The following SYNE2 variants were observed in gnomAD, a reference collection of about 807,000 sequenced individuals.
SYNE2 encodes nesprin-2.
Under a neutral mutation model 856.3 loss-of-function variants are expected in SYNE2, and 431 were observed. That is an observed-to-expected ratio of 0.50 (90% confidence interval 0.47 to 0.55). The LOEUF (loss-of-function observed/expected upper bound fraction) is 0.55, where lower values mean the gene tolerates loss of function less well. SYNE2 is among the 20% of genes least tolerant of loss of function. SYNE2 has a pLI of 0.00. For synonymous variants in SYNE2, 2,923 were observed against 2,872.3 expected (o/e 1.02, Z -0.56); for missense variants, 8,129 against 8,023.2 (o/e 1.01, Z -0.50).
At position 64,225,007 on chromosome 14, in the gene SYNE2, A is replaced by T; in HGVS notation, c.20478A>T (p.Ala6826=). 2 of 1,613,904 alleles carry T rather than the reference A, an allele frequency of 1.2e-6. No individual in the cohort carries two copies. The highest frequency in any genetic ancestry group is 1.7e-6 in the Non-Finnish European group (2 of 1,179,958). Residue 6826 remains alanine (A), a synonymous_variant, in exon 115 of 116, where the codon GCA becomes GCT. Transcript: ENST00000555002. ...SVPAPRAKFR[A]VRTTEGEEET... is the part of the protein sequence containing the mutation. The stretch of plus-strand genomic sequence containing the variant: ...GTTTCTTTACCCAGCAGTTCAGAGC[A>T]GTGAGAACTACAGAAGGCGAGGAGG...
intron 1 of SYNE2, among the ~76,000 whole-genome samples, chr14:63,773,900 C>T (rs181468401): frequency 5.9e-5 from 9 of 152,262 alleles, no homozygotes; most frequent in African/African-American, 1.7e-4. Context: ...GTTTGAAATA[C>T]GATTATATAT....
At chr14:64,213,121 G>A (rs1161035037) in intron 105 of SYNE2, 116 bp downstream of exon 105, 15 of 1,168,988 alleles carry the variant, frequency 1.3e-5, no homozygotes, top group Non-Finnish European at 1.7e-5. Flanking sequence ...TTATTTTTTG[G>A]TTGAAAAGAA....
At chr14:63,950,138 A>T in intron 7 of SYNE2, 132 bp downstream of exon 7, 1 of 1,070,988 alleles carries the variant, frequency 9.3e-7, no homozygotes, top group Non-Finnish European at 1.4e-6. Flanking sequence ...TGCTTCTTCC[A>T]TACGTGGAAG....
intron 2 of SYNE2, among the ~76,000 whole-genome samples, chr14:63,914,336 C>T (rs887476131): frequency 6.6e-6 from 1 of 152,140 alleles, no homozygotes; most frequent in Non-Finnish European, 1.5e-5. Flanking sequence ...GTAGGAATCC[C>T]TTCCGAAGTA....
chr14:64,152,438 G>A, intron 84 of SYNE2, 126 bp from the exon 85 acceptor site: 1 of 890,336 alleles, frequency 1.1e-6, no homozygotes, highest in East Asian at 2.7e-5. Context: ...TTTCTTTGAT[G>A]TAATGCTATT....
intron 1 of SYNE2, among the ~76,000 whole-genome samples, chr14:63,841,835 T>TTC (rs1890075569): frequency 7.0e-6 from 1 of 142,260 alleles, no homozygotes; most frequent in African/African-American, 2.5e-5. Flanking sequence ...TTTCTTTCTT[T>TTC]TTTTTTTTTT....
intron 19 of SYNE2, among the ~76,000 whole-genome samples, chr14:63,988,810 G>A (rs964417397): frequency 2.0e-5 from 3 of 152,156 alleles, no homozygotes; most frequent in African/African-American, 7.2e-5. Flanking sequence ...ATAATCATCA[G>A]ATCTCGTGAA....
intron 13 of SYNE2, among the ~76,000 whole-genome samples, 182 bp downstream of exon 13, chr14:63,978,199 C>A (rs866994542): frequency 6.6e-6 from 1 of 152,144 alleles, no homozygotes; most frequent in Non-Finnish European, 1.5e-5. Flanking sequence ...TGCCAACATA[C>A]CTCCTTTTTT....
intron 1 of SYNE2, among the ~76,000 whole-genome samples, chr14:63,842,474 T>TTA (rs1890101136): frequency 6.6e-6 from 1 of 151,364 alleles, no homozygotes; most frequent in Non-Finnish European, 1.5e-5. Context: ...TTTTTTTTTT[T>TTA]ATTGATACAG....
Position 64,088,831 on chromosome 14 carries a change from A to G in SYNE2, c.11671-743A>G, listed in dbSNP as rs561059471. ...TACATTCCCTACACCACACTCATGT[A>G]TCTTCAGGGAATAGTAAGTGTTAAA... On this transcript the variant is annotated intron_variant, in intron 58 of 115. Coordinates refer to ENST00000555002, the MANE Select transcript of SYNE2 (RefSeq NM_182914.3). Among the ~76,000 whole-genome samples the G allele has an allele frequency of 2.0e-5, 3 of 152,366 alleles. No individual in the cohort carries two copies. In the South Asian group the frequency reaches 6.2e-4, roughly 32 times the overall value.
rs2098511723 is a variant in SYNE2 at position 64,190,218 on chromosome 14, T to C, written c.18019T>C (p.Phe6007Leu). 1.2e-5 allele frequency: 20 copies of C among 1,614,120 alleles called. No homozygotes were observed. The highest frequency in any genetic ancestry group is 1.7e-5 in the Non-Finnish European group (20 of 1,180,026). Reference sequence around the variant, plus strand: ...AATTAACGATCGTTGGCAACATCTTTTTGATGTCATCGGATCAAGGTAAGA... The same window carrying C: ...AATTAACGATCGTTGGCAACATCTTCTTGATGTCATCGGATCAAGGTAAGA... ...NKINDRWQHL[F>L]DVIGSRVKKL... is the part of the protein sequence containing the mutation. Residue 6007 changes from phenylalanine to leucine, a missense_variant, in exon 99 of 116, where the codon TTT becomes CTT. By Grantham distance (22) the Phe-to-Leu change is conservative. Coordinates refer to ENST00000555002, the MANE Select transcript of SYNE2 (RefSeq NM_182914.3).
intron 49 of SYNE2, among the ~76,000 whole-genome samples, chr14:64,056,769 C>G (rs1458643249): frequency 6.6e-6 from 1 of 151,928 alleles, no homozygotes; most frequent in Non-Finnish European, 1.5e-5. Context: ...CTCCCGAGTT[C>G]AAGTAATTCT....
chr14:64,189,872 A>T (rs1210362742), intron 98 of SYNE2, among the ~76,000 whole-genome samples, 199 bp from the exon 99 acceptor site: 1 of 152,002 alleles, frequency 6.6e-6, no homozygotes, highest in Non-Finnish European at 1.5e-5. Context: ...TGTGTTGCAC[A>T]GGCTAGTCTT....
rs150778843 is a variant in SYNE2, at chr14:64,205,640, G to A, written c.18201+2677G>A. ...GTTGGGGAGGGGTCAGACCCTATAG[G>A]AGTCCTTTCTGTTTCACCTTTCTTA... is the stretch of plus-strand genomic sequence containing the variant. On this transcript the variant is annotated intron_variant, in intron 100 of 115. Coordinates refer to ENST00000555002, the MANE Select transcript of SYNE2 (RefSeq NM_182914.3). 1.9e-3 allele frequency among the ~76,000 whole-genome samples: 289 copies of A among 152,280 alleles called. 3 individuals carry two copies. Among genetic ancestry groups the A allele is most frequent in the African/African-American group, 6.7e-3 (278 of 41,568 alleles).
intron 1 of SYNE2, among the ~76,000 whole-genome samples, chr14:63,784,903 T>G (rs891390442): frequency 3.0e-4 from 46 of 152,188 alleles, no homozygotes; most frequent in African/African-American, 1.0e-3. Context: ...ACATATGTGT[T>G]TGTTTATGTG....
At chr14:64,014,089 A>C (rs1282963118) in intron 32 of SYNE2, among the ~76,000 whole-genome samples, 1 of 152,050 alleles carries the variant, frequency 6.6e-6, no homozygotes, top group African/African-American at 2.4e-5. Context: ...ATGTTAAAAA[A>C]TATTTTAAAA....
intron 110 of SYNE2, 112 bp downstream of exon 110, chr14:64,219,522 G>C: frequency 9.6e-7 from 1 of 1,046,210 alleles, no homozygotes; most frequent in Non-Finnish European, 1.5e-6. Context: ...CTTGCAGATG[G>C]TGTATGTAGA....
intron 6 of SYNE2, among the ~76,000 whole-genome samples, chr14:63,944,953 G>A (rs2775000): frequency 0.49 from 71,596 of 146,114 alleles, 18,300 homozygotes; most frequent in South Asian, 0.57. Flanking sequence ...GATTACAGGT[G>A]CCCACCACCA....
At chr14:63,809,819 T>G (rs1888545723) in intron 1 of SYNE2, among the ~76,000 whole-genome samples, 1 of 152,112 alleles carries the variant, frequency 6.6e-6, no homozygotes, top group African/African-American at 2.4e-5. Flanking sequence ...ATTTTAAATC[T>G]TATTGATAAT....
Sources: gnomAD v4.1 joint callset for allele counts (sites outside exome capture counted in the v4.1 genomes callset) on GRCh38, gnomAD v4.1.1 for gene constraint, MANE v1.5 for transcripts, NCBI Gene and HGNC (gene_info 2026-07-23, HGNC 2026-07-21) for gene names.